SLCO2A1: variants seen among roughly 807,000 people sequenced by gnomAD.
The protein encoded by SLCO2A1 is matrin F/G 1.
Under a neutral mutation model 71.7 loss-of-function variants are expected in SLCO2A1, and 60 were observed. The ratio of observed to expected loss-of-function variants is 0.84; its 90% CI spans 0.68 to 1.04. SLCO2A1 has a LOEUF of 1.04. SLCO2A1 is among the 50% of genes least tolerant of loss of function. The pLI is 0.00. For synonymous variants in SLCO2A1, 308 were observed against 326.7 expected (o/e 0.94, Z 0.62); for missense variants, 745 against 813.4 (o/e 0.92, Z 1.02).
chr3:133,975,335 C>T (rs1350875938), intron 2 of SLCO2A1, among the ~76,000 whole-genome samples: 1 of 152,202 alleles, frequency 6.6e-6, no homozygotes, highest in African/African-American at 2.4e-5. Flanking sequence ...ATCTTGACTT[C>T]TCTCACACTC....
intron 3 of SLCO2A1, among the ~76,000 whole-genome samples, chr3:133,958,179 G>C (rs1933940749): frequency 6.6e-6 from 1 of 152,232 alleles, no homozygotes; most frequent in African/African-American, 2.4e-5. Flanking sequence ...CCCAGGGTGA[G>C]GTCAGGGTGG....
At position 133,999,730 on chromosome 3, in the gene SLCO2A1, T is replaced by C. The variant is rs777555904; in HGVS notation, c.97-20112A>G. Among the ~76,000 whole-genome samples, 46 of 152,178 alleles carry C rather than the reference T, an allele frequency of 3.0e-4. No individual in the cohort carries two copies. The Middle Eastern group carries it at 0.01, about 34-fold the overall frequency. ...GGAAAAAAGGGGTCATCCCTAGTCC[T>C]AGGAGACAAGATGAGGAGAGGAAAA... On this transcript the variant is annotated intron_variant, in intron 1 of 13. Transcript: ENST00000310926.
At chr3:133,958,129 C>A (rs756347507) in intron 3 of SLCO2A1, among the ~76,000 whole-genome samples, 1 of 152,230 alleles carries the variant, frequency 6.6e-6, no homozygotes, top group Admixed American at 6.5e-5. Flanking sequence ...CCATTTCCAA[C>A]ACCCAGAACT....
chr3:133,955,331 G>A, intron 3 of SLCO2A1, 138 bp from the exon 4 acceptor site: 2 of 645,208 alleles, frequency 3.1e-6, no homozygotes, highest in Non-Finnish European at 5.3e-6. Context: ...AATGGGACAT[G>A]GTTCCTGAGG....
chr3:133,975,661 C>T (rs1231324663), intron 2 of SLCO2A1, among the ~76,000 whole-genome samples: 2 of 152,194 alleles, frequency 1.3e-5, no homozygotes, highest in African/African-American at 4.8e-5. Flanking sequence ...TCCCTCCCTC[C>T]ATCCAGCCAT....
intron 13 of SLCO2A1, among the ~76,000 whole-genome samples, chr3:133,935,310 A>T (rs1933240926): frequency 6.6e-6 from 1 of 152,172 alleles, no homozygotes; most frequent in Non-Finnish European, 1.5e-5. Flanking sequence ...AGGGGTGCAG[A>T]ACCCAATAGC....
intron 1 of SLCO2A1, among the ~76,000 whole-genome samples, chr3:133,987,580 A>G (rs1025620797): frequency 6.6e-6 from 1 of 152,188 alleles, no homozygotes; most frequent in East Asian, 1.9e-4. Context: ...ATTTGATTGA[A>G]GTCTCCTGTC....
chr3:134,025,624 TA>T, intron 1 of SLCO2A1, among the ~76,000 whole-genome samples: 1 of 152,146 alleles, frequency 6.6e-6, no homozygotes, highest in East Asian at 1.9e-4. Flanking sequence ...GAAAGAAATG[TA>T]AATACTGGTC....
chr3:134,005,872 G>GTTTTA (rs1395484438), intron 1 of SLCO2A1, among the ~76,000 whole-genome samples: 1 of 152,138 alleles, frequency 6.6e-6, no homozygotes, highest in South Asian at 2.1e-4. Flanking sequence ...ATTTTTGGCT[G>GTTTTA]TTTTATTTTA....
At chr3:133,940,777 C>T (rs1057364492) in intron 11 of SLCO2A1, among the ~76,000 whole-genome samples, 3 of 152,202 alleles carry the variant, frequency 2.0e-5, no homozygotes, top group Non-Finnish European at 2.9e-5. Flanking sequence ...TTCCAAGCAT[C>T]CCTGCACCTT....
intron 10 of SLCO2A1, among the ~76,000 whole-genome samples, chr3:133,943,933 G>A (rs552570875): frequency 1.9e-4 from 29 of 152,342 alleles, no homozygotes; most frequent in South Asian, 1.5e-3. Context: ...AATAAGGCAT[G>A]TTCCTAGCTT....
intron 3 of SLCO2A1, among the ~76,000 whole-genome samples, chr3:133,959,787 C>T (rs1933988540): frequency 6.6e-6 from 1 of 151,874 alleles, no homozygotes. Flanking sequence ...GATCCTGCCA[C>T]TGCCTGGGCG....
At chr3:133,978,907 G>A (rs1934520170) in intron 2 of SLCO2A1, among the ~76,000 whole-genome samples, 1 of 152,290 alleles carries the variant, frequency 6.6e-6, no homozygotes, top group South Asian at 2.1e-4. Flanking sequence ...GTCACTGAGG[G>A]ATGGCAGGAA....
intron 13 of SLCO2A1, among the ~76,000 whole-genome samples, chr3:133,935,233 T>A (rs542497374): frequency 1.3e-5 from 2 of 152,280 alleles, no homozygotes; most frequent in African/African-American, 4.8e-5. Context: ...CCCTGCCCAG[T>A]CCCCTCAAGC....
chr3:134,001,776 G>A (rs558852820), intron 1 of SLCO2A1, among the ~76,000 whole-genome samples: 1 of 152,258 alleles, frequency 6.6e-6, no homozygotes. Flanking sequence ...AAAGGAAACT[G>A]TTACATGCAG....
At chr3:133,987,209 T>TAA (rs1442375371) in intron 1 of SLCO2A1, among the ~76,000 whole-genome samples, 4 of 130,642 alleles carry the variant, frequency 3.1e-5, no homozygotes, top group African/African-American at 1.1e-4. Flanking sequence ...AGAGTACTCT[T>TAA]AAAATTTAAC....
At chr3:134,020,257 C>A (rs1025039906) in intron 1 of SLCO2A1, among the ~76,000 whole-genome samples, 4 of 152,160 alleles carry the variant, frequency 2.6e-5, no homozygotes, top group African/African-American at 9.7e-5. Context: ...GGAGTCTTGC[C>A]GATGCCCCCA....
intron 1 of SLCO2A1, among the ~76,000 whole-genome samples, chr3:134,009,380 T>G (rs778704824): frequency 2.6e-5 from 4 of 152,228 alleles, no homozygotes; most frequent in Non-Finnish European, 5.9e-5. Flanking sequence ...TTTCAACTAT[T>G]TTCCATAAGA....
At chr3:133,937,465 A>G (rs1290148513) in intron 12 of SLCO2A1, among the ~76,000 whole-genome samples, 1 of 152,242 alleles carries the variant, frequency 6.6e-6, no homozygotes. Context: ...GATTGGGCTC[A>G]GCAAGGGCTC....
Sources: gnomAD v4.1 joint callset for allele counts (sites outside exome capture counted in the v4.1 genomes callset) on GRCh38, gnomAD v4.1.1 for gene constraint, MANE v1.5 for transcripts, NCBI Gene and HGNC (gene_info 2026-07-23, HGNC 2026-07-21) for gene names.